Variants in TATDN1 observed in about 807,000 individuals in gnomAD.
The protein encoded by TATDN1 is deoxyribonuclease TATDN1.
A neutral mutation model predicts 46.4 loss-of-function variants in TATDN1; 40 were observed. The ratio of observed to expected loss-of-function variants is 0.86; its 90% confidence interval spans 0.67 to 1.12. The LOEUF (loss-of-function observed/expected upper bound fraction) is 1.12, where lower values mean the gene tolerates loss of function less well. Ranked by LOEUF, TATDN1 falls within the 50% of genes most tolerant of loss-of-function variation. TATDN1 has a pLI of 0.00. For synonymous variants in TATDN1, 95 were observed against 105.6 expected (o/e 0.90, Z 0.62); for missense variants, 326 against 348.4 (o/e 0.94, Z 0.51).
At chr8:124,522,723 GTTCT>G (rs1256653403) in intron 2 of TATDN1, among the ~76,000 whole-genome samples, 2 of 151,970 alleles carry the variant, frequency 1.3e-5, no homozygotes, top group East Asian at 1.9e-4. Context: ...CCAGCCAGGA[GTTCT>G]TTATTATTTC....
chr8:124,503,006 T>C (rs1818108949), intron 9 of TATDN1, among the ~76,000 whole-genome samples: 1 of 152,140 alleles, frequency 6.6e-6, no homozygotes, highest in African/African-American at 2.4e-5. Context: ...TCCCTATCTT[T>C]AAAAAGAAAC....
rs1820206864 is a variant in TATDN1, at chr8:124,523,192, T to G, written c.23-190A>C. The G allele has an allele frequency of 8.7e-6, 5 of 571,996 alleles. No individual in the cohort carries two copies. In the East Asian group the frequency reaches 1.5e-4, roughly 17 times the overall value. 35.4% of individuals were successfully genotyped at this position (571,996 alleles called of 1,614,324 possible). On this transcript the variant is annotated intron_variant, in intron 1 of 11. Coordinates refer to ENST00000276692, the MANE Select transcript of TATDN1 (RefSeq NM_032026.4). Reference sequence around the variant, plus strand: ...AAGATGAATAGGATATAATTCCTGCTTTCAAGAAACTCACCGCAGAACTGG... The same window carrying G: ...AAGATGAATAGGATATAATTCCTGCGTTCAAGAAACTCACCGCAGAACTGG...
Position 124,493,950 on chromosome 8 carries a change from C to G in TATDN1, c.674G>C (p.Trp225Ser). ...EKLMIETDAPWCGVKSTHAGS... is the reference protein window; with the variant it reads ...EKLMIETDAPSCGVKSTHAGS... ...AGCATGTGTACTTTTGACTCCACAC[C>G]AAGGTGCATCTAGTTAAGCAAAGAA... The change falls in exon 11 of 12, where the codon TGG becomes TCG. Residue 225 changes from tryptophan (W) to serine (S), a missense_variant. Transcript: ENST00000276692. 1 of 1,607,314 alleles carries G rather than the reference C, an allele frequency of 6.2e-7. No individual in the cohort carries two copies.
intron 1 of TATDN1, among the ~76,000 whole-genome samples, chr8:124,533,328 G>GT (rs1821136394): frequency 6.6e-6 from 1 of 151,978 alleles, no homozygotes; most frequent in South Asian, 2.1e-4. Flanking sequence ...GAGGAGAAAA[G>GT]TATCTCATAG....
intron 9 of TATDN1, among the ~76,000 whole-genome samples, chr8:124,497,724 T>A (rs1263411776): frequency 1.3e-5 from 2 of 152,224 alleles, no homozygotes; most frequent in African/African-American, 4.8e-5. Context: ...CTGGTGGTAT[T>A]TTTGTGATCT....
chr8:124,507,799 A>T (rs886126885), intron 8 of TATDN1, among the ~76,000 whole-genome samples: 1 of 151,318 alleles, frequency 6.6e-6, no homozygotes, highest in African/African-American at 2.4e-5. Flanking sequence ...AAAAAAAAAA[A>T]CAAAAAACAC....
chr8:124,504,342 A>G lies in TATDN1; in HGVS notation c.522T>C (p.His174=), dbSNP rs758162934. The G allele has an allele frequency of 8.1e-6, 13 of 1,602,158 alleles. 1 individual carries two copies. In the South Asian group the frequency reaches 1.5e-4, roughly 18 times the overall value. ...NRDRCVGGVV[H]SFDGTKEAAA... ...CTGCTTCCTTGGTACCATCAAATGA[A>G]TGCACCTGGGGACATACAGGTATAA... The change falls in exon 9 of 12, where the codon CAT becomes CAC. Residue 174 remains histidine (H), a synonymous_variant. Transcript: ENST00000276692.
intron 10 of TATDN1, 169 bp downstream of exon 10, chr8:124,495,303 T>C (rs1440546101): frequency 1.6e-6 from 1 of 616,896 alleles, no homozygotes; most frequent in African/African-American, 1.9e-5. Context: ...TTGCATATGT[T>C]TTTCCATTAA....
chr8:124,539,055 A>C lies in TATDN1; in HGVS notation c.-9T>G. ...AACTTGAAGCGACTCATGACTGCGC[A>C]TGGAGGACCTCCCCAGCGGAAGCGG... On this transcript the variant is annotated 5_prime_UTR_variant, in exon 1 of 12. The change abolishes an upstream ATG in the 5' untranslated region. Transcript: ENST00000276692. 2 of 1,613,160 alleles carry C rather than the reference A, an allele frequency of 1.2e-6. No homozygotes were observed. The highest frequency in any genetic ancestry group is 1.7e-6 in the Non-Finnish European group (2 of 1,179,140).
intron 1 of TATDN1, among the ~76,000 whole-genome samples, chr8:124,524,549 T>A (rs953870917): frequency 6.6e-6 from 1 of 152,186 alleles, no homozygotes; most frequent in Non-Finnish European, 1.5e-5. Flanking sequence ...TCACCGATCA[T>A]CACTGATCAT....
At chr8:124,493,783 A>G in intron 11 of TATDN1, 50 bp downstream of exon 11, 8 of 1,547,114 alleles carry the variant, frequency 5.2e-6, no homozygotes, top group African/African-American at 1.4e-5. Flanking sequence ...TATAAGTGGC[A>G]TCTGGTGGTT....
At chr8:124,493,775 T>C in intron 11 of TATDN1, 58 bp downstream of exon 11, 4 of 1,535,222 alleles carry the variant, frequency 2.6e-6, no homozygotes, top group Non-Finnish European at 3.5e-6. Flanking sequence ...GTTAATTTTA[T>C]AAGTGGCATC....
Position 124,527,146 on chromosome 8 carries a change from G to T in TATDN1, c.23-4144C>A, listed in dbSNP as rs193097540. Among the ~76,000 whole-genome samples the T allele has an allele frequency of 1.0e-3, 153 of 152,302 alleles. 1 individual carries two copies. The Middle Eastern group carries it at 0.01, about 10-fold the overall frequency. On this transcript the variant is annotated intron_variant, in intron 1 of 11. Coordinates refer to ENST00000276692, the MANE Select transcript of TATDN1 (RefSeq NM_032026.4). Reference sequence around the variant, plus strand: ...GGAACAGGAGTTTTACACTAAATGGGCTGGCTAACGTACATATTTAACAGG... The same window carrying T: ...GGAACAGGAGTTTTACACTAAATGGTCTGGCTAACGTACATATTTAACAGG...
At chr8:124,498,951 C>CT (rs77795578) in intron 9 of TATDN1, among the ~76,000 whole-genome samples, 11,948 of 132,302 alleles carry the variant, frequency 0.09, 710 homozygotes, top group African/African-American at 0.15. Flanking sequence ...CGCCTGGCCT[C>CT]TTTTTTTTTT....
chr8:124,524,476 C>T (rs1820312078), intron 1 of TATDN1, among the ~76,000 whole-genome samples: 2 of 152,058 alleles, frequency 1.3e-5, no homozygotes, highest in South Asian at 4.1e-4. Context: ...AGAAAGGAAA[C>T]CCAGGGAAGA....
intron 1 of TATDN1, among the ~76,000 whole-genome samples, chr8:124,527,050 G>A (rs960590142): frequency 4.6e-5 from 7 of 152,172 alleles, no homozygotes; most frequent in African/African-American, 9.7e-5. Flanking sequence ...TTTTATTGAC[G>A]TGCAACCTGC....
chr8:124,518,785 ATT>A (rs753235518), intron 4 of TATDN1, 31 bp downstream of exon 4: 26 of 1,304,530 alleles, frequency 2.0e-5, no homozygotes, highest in African/African-American at 6.0e-5. Flanking sequence ...TACTTAATTC[ATT>A]TTTTTTTTGG....
chr8:124,526,396 A>G (rs980712382), intron 1 of TATDN1, among the ~76,000 whole-genome samples: 1 of 152,266 alleles, frequency 6.6e-6, no homozygotes, highest in African/African-American at 2.4e-5. Flanking sequence ...ATGTAAACTC[A>G]AACAAACTAG....
chr8:124,493,944 C>G lies in TATDN1; in HGVS notation c.680G>C (p.Gly227Ala), dbSNP rs1387058594. ...LMIETDAPWC[G>A]VKSTHAGSKY... ...TGATCCAGCATGTGTACTTTTGACT[C>G]CACACCAAGGTGCATCTAGTTAAGC... The change falls in exon 11 of 12, where the codon GGA (glycine) becomes GCA (alanine). Residue 227 changes from glycine (G) to alanine (A), a missense_variant. Gly to Ala is a moderately conservative substitution (Grantham distance 60). Transcript: ENST00000276692. The G allele has an allele frequency of 6.2e-7, 1 of 1,610,538 alleles. No homozygotes were observed. The highest frequency in any genetic ancestry group is 8.5e-7 in the Non-Finnish European group (1 of 1,179,136).
Sources: gnomAD v4.1 joint callset for allele counts (sites outside exome capture counted in the v4.1 genomes callset) on GRCh38, gnomAD v4.1.1 for gene constraint, MANE v1.5 for transcripts, NCBI Gene and HGNC (gene_info 2026-07-23, HGNC 2026-07-21) for gene names.